Variants in DPP10 observed in about 807,000 individuals in gnomAD.
DPP10 encodes inactive dipeptidyl peptidase 10.
DPP10 carries 33 observed loss-of-function variants against 120.9 expected under a neutral mutation model. The observed-to-expected ratio is 0.27, with a 90% CI of 0.21 to 0.37. The LOEUF (loss-of-function observed/expected upper bound fraction) is 0.37. DPP10 is among the 10% of genes least tolerant of loss of function. The pLI is 1.00. For missense variants in DPP10, 816 were observed against 942.8 expected, an observed-to-expected ratio of 0.87 and a Z score of 1.76; for synonymous variants, 337 against 326.1, an observed-to-expected ratio of 1.03 and a Z score of -0.36.
At chr2:115,615,657 G>A (rs1267564842) in intron 5 of DPP10, among the ~76,000 whole-genome samples, 1 of 152,062 alleles carries the variant, frequency 6.6e-6, no homozygotes, top group Non-Finnish European at 1.5e-5. Flanking sequence ...AGAGAGCACT[G>A]TTTCAAATTG....
At chr2:115,563,409 G>A (rs76758027) in intron 5 of DPP10, among the ~76,000 whole-genome samples, 5,254 of 152,010 alleles carry the variant, frequency 0.035, 117 homozygotes, top group Middle Eastern at 0.041. Context: ...TTTCTGATCC[G>A]AAAAGAGCAA....
chr2:115,382,350 A>C (rs906897891), intron 3 of DPP10, among the ~76,000 whole-genome samples: 1 of 152,092 alleles, frequency 6.6e-6, no homozygotes, highest in African/African-American at 2.4e-5. Context: ...CCTTTCTTTG[A>C]CTAGGAAAGG....
intron 1 of DPP10, among the ~76,000 whole-genome samples, chr2:114,839,040 G>A (rs1362587369): frequency 6.6e-6 from 1 of 151,984 alleles, no homozygotes; most frequent in Non-Finnish European, 1.5e-5. Flanking sequence ...CCTCTTACAT[G>A]ATCTAATTAT....
chr2:115,816,836 C>T (rs1189166798), intron 21 of DPP10, among the ~76,000 whole-genome samples: 1 of 149,578 alleles, frequency 6.7e-6, no homozygotes, highest in African/African-American at 2.4e-5. Flanking sequence ...CAGATGGTCT[C>T]GATCTCTTGA....
chr2:115,478,938 T>C (rs900064714), intron 3 of DPP10, among the ~76,000 whole-genome samples: 1 of 152,180 alleles, frequency 6.6e-6, no homozygotes, highest in African/African-American at 2.4e-5. Context: ...ACTGAAAGTC[T>C]TGTGCACTAT....
At chr2:114,713,901 C>T (rs1325016274) in intron 1 of DPP10, among the ~76,000 whole-genome samples, 1 of 151,396 alleles carries the variant, frequency 6.6e-6, no homozygotes, top group East Asian at 1.9e-4. Flanking sequence ...ATGAGAATCT[C>T]TTGAACTCAG....
In DPP10 at chr2:115,560,452, A is replaced by C. The variant is rs145312922; in HGVS notation, c.441+34480A>C. On this transcript the variant is annotated intron_variant, in intron 5 of 25. Transcript: ENST00000410059. The stretch of plus-strand genomic sequence containing the variant: ...TATATATATATATATATATACGACA[A>C]GCTACTGATTTAAGGGCAAGGAGGA... 3.3e-3 allele frequency among the ~76,000 whole-genome samples: 355 copies of C among 107,716 alleles called. 19 individuals carry two copies. In the East Asian group the frequency reaches 0.043, roughly 13 times the overall value. The allele number at this position is 107,716 out of a possible 152,430, so 70.7% of individuals were successfully genotyped here.
chr2:115,389,106 A>G (rs4849396), intron 3 of DPP10, among the ~76,000 whole-genome samples: 117,723 of 152,012 alleles, frequency 0.77, 46,372 homozygotes, highest in Non-Finnish European at 0.84. Context: ...TGCAATCAAA[A>G]CCACTCCCAT....
chr2:115,495,895 A>G (rs899704687), intron 3 of DPP10, among the ~76,000 whole-genome samples: 4 of 152,170 alleles, frequency 2.6e-5, no homozygotes, highest in African/African-American at 4.8e-5. Flanking sequence ...CCTTGTAGAT[A>G]TGCATAGTGC....
At chr2:114,540,424 G>A (rs1284177174) in intron 1 of DPP10, among the ~76,000 whole-genome samples, 1 of 152,190 alleles carries the variant, frequency 6.6e-6, no homozygotes, top group Non-Finnish European at 1.5e-5. Context: ...AATTAAAAAG[G>A]TTGGGTATAA....
chr2:114,897,042 T>A (rs557781665), intron 1 of DPP10, among the ~76,000 whole-genome samples: 2 of 152,336 alleles, frequency 1.3e-5, no homozygotes, highest in East Asian at 3.9e-4. Flanking sequence ...TTACATTTAT[T>A]GATTTGCATA....
In DPP10 at chr2:115,081,006, T is replaced by C. The variant is rs571728340; in HGVS notation, c.61-228233T>C. 9.2e-5 allele frequency among the ~76,000 whole-genome samples: 14 copies of C among 152,326 alleles called. 1 individual carries two copies. The South Asian group carries it at 2.9e-3, about 32-fold the overall frequency. On this transcript the variant is annotated intron_variant, in intron 1 of 25. Coordinates refer to ENST00000410059, the MANE Select transcript of DPP10 (RefSeq NM_020868.6). ...AGTCAAATTCTTGCTCCTTTGAGGGTGATATTTTGTTGCTGTTCTTCACCT... is the reference window on the plus strand; with the variant it reads ...AGTCAAATTCTTGCTCCTTTGAGGGCGATATTTTGTTGCTGTTCTTCACCT...
At position 114,644,295 on chromosome 2, in the gene DPP10, A is replaced by G. The variant is rs552821215; in HGVS notation, c.60+201457A>G. 2.5e-4 allele frequency among the ~76,000 whole-genome samples: 38 copies of G among 150,810 alleles called. 1 individual carries two copies. The highest frequency in any genetic ancestry group is 8.1e-4 in the African/African-American group (33 of 40,746). ...CAGACACAGATTCTTTTTGCCCAAC[A>G]TACATAACCATGTAGTCCTACCTAA... On this transcript the variant is annotated intron_variant, in intron 1 of 25. Coordinates refer to ENST00000410059, the MANE Select transcript of DPP10 (RefSeq NM_020868.6).
intron 1 of DPP10, among the ~76,000 whole-genome samples, chr2:114,802,364 G>T: frequency 6.6e-6 from 1 of 152,168 alleles, no homozygotes; most frequent in East Asian, 1.9e-4. Flanking sequence ...CTGTCATCTG[G>T]TGTAACTAAA....
intron 1 of DPP10, among the ~76,000 whole-genome samples, chr2:115,034,411 A>G (rs547989819): frequency 6.6e-6 from 1 of 152,114 alleles, no homozygotes; most frequent in South Asian, 2.1e-4. Flanking sequence ...TCTAGCCCTG[A>G]CTCTCACCTC....
chr2:115,629,811 T>C (rs2085688796), intron 5 of DPP10, among the ~76,000 whole-genome samples: 1 of 152,130 alleles, frequency 6.6e-6, no homozygotes, highest in Non-Finnish European at 1.5e-5. Flanking sequence ...TGTAGCCTTG[T>C]AGTATGATTT....
chr2:115,652,351 C>T (rs1160583947), intron 5 of DPP10, among the ~76,000 whole-genome samples: 2 of 151,172 alleles, frequency 1.3e-5, no homozygotes. Flanking sequence ...ACAGATATTG[C>T]TTATTTCTTC....
intron 1 of DPP10, among the ~76,000 whole-genome samples, chr2:115,114,156 C>G (rs1242105003): frequency 6.6e-6 from 1 of 152,162 alleles, no homozygotes; most frequent in East Asian, 1.9e-4. Flanking sequence ...AGCGAACTTT[C>G]TCAAAGAACA....
chr2:115,345,518 C>G (rs922258217), intron 3 of DPP10, among the ~76,000 whole-genome samples: 1 of 151,914 alleles, frequency 6.6e-6, no homozygotes. Context: ...TTTTTTTAAA[C>G]AGTAGTATTA....
Sources: gnomAD v4.1 joint callset for allele counts (sites outside exome capture counted in the v4.1 genomes callset) on GRCh38, gnomAD v4.1.1 for gene constraint, MANE v1.5 for transcripts, NCBI Gene and HGNC (gene_info 2026-07-23, HGNC 2026-07-21) for gene names.